The following PTPRR variants were observed in gnomAD, a reference collection of about 807,000 sequenced individuals.
PTPRR encodes the protein protein tyrosine phosphatase receptor type R.
Under a neutral mutation model 77.2 loss-of-function variants are expected in PTPRR, and 38 were observed. That is an observed-to-expected ratio of 0.49 (90% CI 0.38 to 0.65). The LOEUF is 0.65. PTPRR is among the 30% of genes least tolerant of loss of function. The pLI is 0.00. For synonymous variants in PTPRR, 299 were observed against 283.1 expected, an observed-to-expected ratio of 1.06 and a Z score of -0.57; for missense variants, 744 against 799.2, an observed-to-expected ratio of 0.93 and a Z score of 0.83.
chr12:70,872,168 G>A (rs1048222240), intron 2 of PTPRR, among the ~76,000 whole-genome samples: 1 of 151,846 alleles, frequency 6.6e-6, no homozygotes, highest in African/African-American at 2.4e-5. Context: ...ATCTAAAAAT[G>A]TAAACAGAAA....
chr12:70,895,225 A>G (rs1455123568), intron 1 of PTPRR, among the ~76,000 whole-genome samples: 1 of 151,698 alleles, frequency 6.6e-6, no homozygotes, highest in African/African-American at 2.4e-5. Context: ...ATAAAAAGAA[A>G]AAAGCAGCTT....
chr12:70,650,548 C>T (rs948878103), intron 13 of PTPRR, among the ~76,000 whole-genome samples: 1 of 152,086 alleles, frequency 6.6e-6, no homozygotes, highest in East Asian at 1.9e-4. Context: ...AGGAGGCTCT[C>T]AGTAAATAAT....
At chr12:70,890,752 A>G (rs1228852452) in intron 2 of PTPRR, among the ~76,000 whole-genome samples, 4 of 152,048 alleles carry the variant, frequency 2.6e-5, no homozygotes, top group Non-Finnish European at 5.9e-5. Flanking sequence ...TATGTTTTAT[A>G]CTCATGTACA....
chr12:70,684,813 A>C, intron 8 of PTPRR, 30 bp from the exon 9 acceptor site: 1 of 1,488,844 alleles, frequency 6.7e-7, no homozygotes, highest in South Asian at 1.2e-5. Context: ...AGAATATATT[A>C]AACAGATTTA....
chr12:70,786,062 G>C (rs897213559), intron 2 of PTPRR, among the ~76,000 whole-genome samples: 3 of 152,132 alleles, frequency 2.0e-5, no homozygotes, highest in African/African-American at 7.2e-5. Context: ...AAAATGACTG[G>C]AATCAGGGTC....
chr12:70,783,124 C>T (rs1891239174), intron 2 of PTPRR, among the ~76,000 whole-genome samples: 1 of 152,096 alleles, frequency 6.6e-6, no homozygotes, highest in East Asian at 1.9e-4. Flanking sequence ...GAGTTCTTGT[C>T]CTGCATTCAG....
At chr12:70,801,989 G>T (rs1272079426) in intron 2 of PTPRR, among the ~76,000 whole-genome samples, 1 of 152,170 alleles carries the variant, frequency 6.6e-6, no homozygotes, top group Non-Finnish European at 1.5e-5. Flanking sequence ...GTGTCGCAGA[G>T]TAGGTTGTGG....
At chr12:70,916,336 T>TA (rs1235046040) in intron 1 of PTPRR, among the ~76,000 whole-genome samples, 1 of 151,362 alleles carries the variant, frequency 6.6e-6, no homozygotes, top group African/African-American at 2.4e-5. Flanking sequence ...TGGAGAGAGG[T>TA]AAAAAAAGAA....
At chr12:70,704,619 G>A (rs1888550994) in intron 6 of PTPRR, among the ~76,000 whole-genome samples, 1 of 152,096 alleles carries the variant, frequency 6.6e-6, no homozygotes. Context: ...TAAGGATTCT[G>A]TGGTAAGCAG....
intron 7 of PTPRR, among the ~76,000 whole-genome samples, chr12:70,699,008 T>A (rs1476910550): frequency 6.6e-6 from 1 of 152,180 alleles, no homozygotes; most frequent in Non-Finnish European, 1.5e-5. Context: ...CTCAAGTGAT[T>A]GGACAGGGAA....
At chr12:70,868,823 G>T (rs1024644101) in intron 2 of PTPRR, among the ~76,000 whole-genome samples, 1 of 151,918 alleles carries the variant, frequency 6.6e-6, no homozygotes, top group African/African-American at 2.4e-5. Context: ...AGAAAATGTG[G>T]CACATATACA....
intron 2 of PTPRR, among the ~76,000 whole-genome samples, chr12:70,843,006 A>G (rs573635547): frequency 6.6e-6 from 1 of 152,346 alleles, no homozygotes; most frequent in South Asian, 2.1e-4. Flanking sequence ...GCTTGTTCTA[A>G]TCAAGTTTGG....
At position 70,701,164 on chromosome 12, in the gene PTPRR, AC is replaced by A; in HGVS notation, c.1166del (p.Ser389IlefsTer14). The A allele has an allele frequency of 6.2e-7, 1 of 1,613,952 alleles. No homozygotes were observed. The highest frequency in any genetic ancestry group is 8.5e-7 in the Non-Finnish European group (1 of 1,179,912). On this transcript the variant is annotated frameshift_variant, in exon 7 of 14. Transcript: ENST00000283228. LOFTEE classifies it high-confidence loss of function. ...TGAATTCACTTTGGAGTAAATGTGA[AC>A]TTGCCACGACGTCCCTCAGCTGAGA... The part of the protein sequence containing the change: ...TRSQLRDVVA[S>X]SHLLQSEFME...
At chr12:70,701,691 G>A (rs1215088406) in intron 6 of PTPRR, among the ~76,000 whole-genome samples, 2 of 152,008 alleles carry the variant, frequency 1.3e-5, no homozygotes, top group Non-Finnish European at 2.9e-5. Context: ...TGGCTTCTGG[G>A]GCCAGATGAG....
intron 6 of PTPRR, among the ~76,000 whole-genome samples, chr12:70,719,752 G>A (rs1034251451): frequency 6.6e-6 from 1 of 152,188 alleles, no homozygotes; most frequent in African/African-American, 2.4e-5. Context: ...GTGACTGCGC[G>A]TCTTCTCTGG....
chr12:70,788,485 C>T (rs1237515804), intron 2 of PTPRR, among the ~76,000 whole-genome samples: 1 of 152,168 alleles, frequency 6.6e-6, no homozygotes, highest in Non-Finnish European at 1.5e-5. Flanking sequence ...AATATCTGCT[C>T]CACTCAATGT....
chr12:70,676,112 T>G (rs1887436128), intron 10 of PTPRR, among the ~76,000 whole-genome samples: 1 of 151,866 alleles, frequency 6.6e-6, no homozygotes, highest in Non-Finnish European at 1.5e-5. Context: ...TTCTTTCTCC[T>G]TCTAAAACAC....
intron 12 of PTPRR, among the ~76,000 whole-genome samples, chr12:70,660,002 C>T (rs527260386): frequency 5.1e-4 from 78 of 151,616 alleles, no homozygotes; most frequent in African/African-American, 1.7e-3. Flanking sequence ...ATGGTGAAAC[C>T]CCCGCCTCTA....
intron 2 of PTPRR, among the ~76,000 whole-genome samples, chr12:70,886,033 T>C (rs575492981): frequency 1.3e-5 from 2 of 152,274 alleles, no homozygotes; most frequent in East Asian, 3.9e-4. Context: ...TAATAGTGAA[T>C]GTGTATGATC....
Sources: allele counts gnomAD v4.1 joint callset (sites outside exome capture counted in the v4.1 genomes callset), GRCh38; gene constraint gnomAD v4.1.1; transcripts MANE v1.5; gene names NCBI Gene and HGNC (gene_info 2026-07-23, HGNC 2026-07-21).